The following ZNF385D variants were observed in gnomAD, a reference collection of about 807,000 sequenced individuals.
ZNF385D encodes zinc finger protein 659.
In ZNF385D, 15 loss-of-function variants were observed where a neutral mutation model predicts 35.8. The observed-to-expected ratio is 0.42, with a 90% CI of 0.28 to 0.64. ZNF385D has a LOEUF of 0.64. Ranked by LOEUF, ZNF385D falls within the 30% of genes least tolerant of loss-of-function variation. The probability of loss-of-function intolerance (pLI) is 0.23; values close to 1 mark genes in which losing one functional copy is unlikely to be tolerated. For synonymous variants in ZNF385D, 212 were observed against 186.8 expected, an observed-to-expected ratio of 1.13 and a Z score of -1.10; for missense variants, 474 against 494.6, an observed-to-expected ratio of 0.96 and a Z score of 0.39.
chr3:21,881,079 A>T (rs763174336), intron 3 of ZNF385D, among the ~76,000 whole-genome samples: 4 of 152,018 alleles, frequency 2.6e-5, no homozygotes, highest in Non-Finnish European at 5.9e-5. Flanking sequence ...TAAAAATACA[A>T]GGTGAAGCTG....
chr3:22,002,389 C>T (rs894187208), intron 3 of ZNF385D, among the ~76,000 whole-genome samples: 2 of 152,030 alleles, frequency 1.3e-5, no homozygotes, highest in African/African-American at 4.8e-5. Flanking sequence ...ACAACTGAAG[C>T]AGGAATGAAC....
intron 3 of ZNF385D, among the ~76,000 whole-genome samples, chr3:22,161,761 T>C (rs1293241650): frequency 6.6e-6 from 1 of 152,150 alleles, no homozygotes; most frequent in Non-Finnish European, 1.5e-5. Context: ...TTGATGAAAA[T>C]TTAAGGAAAA....
chr3:21,569,123 C>G (rs2063244115), intron 2 of ZNF385D, among the ~76,000 whole-genome samples: 1 of 152,058 alleles, frequency 6.6e-6, no homozygotes, highest in Non-Finnish European at 1.5e-5. Context: ...TCCTTGTTAA[C>G]TTTCTGTCTC....
At chr3:22,303,536 C>G (rs1488960491) in intron 2 of ZNF385D, among the ~76,000 whole-genome samples, 2 of 152,078 alleles carry the variant, frequency 1.3e-5, no homozygotes, top group Non-Finnish European at 2.9e-5. Context: ...TCTATGTATT[C>G]TAAATGATGT....
At chr3:22,276,298 C>G (rs1701423763) in intron 2 of ZNF385D, among the ~76,000 whole-genome samples, 1 of 152,092 alleles carries the variant, frequency 6.6e-6, no homozygotes, top group Admixed American at 6.6e-5. Flanking sequence ...TCCTGTAAGT[C>G]TGTCCTTTAA....
intron 3 of ZNF385D, among the ~76,000 whole-genome samples, chr3:22,146,116 A>C (rs1704836374): frequency 6.6e-6 from 1 of 152,198 alleles, no homozygotes; most frequent in Non-Finnish European, 1.5e-5. Context: ...CAAGTACTTC[A>C]GGAGTCATGC....
intron 2 of ZNF385D, among the ~76,000 whole-genome samples, chr3:22,177,723 T>TCTCTCCC (rs1348515388): frequency 6.6e-6 from 1 of 152,160 alleles, no homozygotes; most frequent in Non-Finnish European, 1.5e-5. Context: ...CCAAATGCTA[T>TCTCTCCC]CTCTCCCCTC....
chr3:21,691,202 T>C (rs989896499), intron 1 of ZNF385D, among the ~76,000 whole-genome samples: 1 of 152,152 alleles, frequency 6.6e-6, no homozygotes, highest in Non-Finnish European at 1.5e-5. Context: ...CAGCTGCCTG[T>C]TTCTCCAGGT....
intron 2 of ZNF385D, among the ~76,000 whole-genome samples, chr3:22,343,819 C>T (rs572790177): frequency 6.6e-6 from 1 of 152,036 alleles, no homozygotes; most frequent in East Asian, 1.9e-4. Flanking sequence ...ATTCAGTGCC[C>T]CTTGTACAGT....
rs140828235 is a variant in ZNF385D, at chr3:21,874,656, A to G, written c.326-209628T>C. Among the ~76,000 whole-genome samples the G allele has an allele frequency of 1.2e-3, 177 of 152,234 alleles. 1 individual carries two copies. The highest frequency in any genetic ancestry group is 4.1e-3 in the African/African-American group (172 of 41,570). ...GAAATGTAGCTTTGTAATATGTTTC[A>G]AAATCAGGAAATGTGAGGTCTCTAG... On this transcript the variant is annotated intron_variant, in intron 3 of 5. Coordinates refer to the ZNF385D transcript ENST00000494108.
intron 3 of ZNF385D, among the ~76,000 whole-genome samples, chr3:21,862,554 A>T (rs1575796847): frequency 6.6e-6 from 1 of 152,162 alleles, no homozygotes; most frequent in African/African-American, 2.4e-5. Context: ...AACTTGTGGC[A>T]CATTTGAATG....
Position 21,522,601 on chromosome 3 carries a change from G to A in ZNF385D, c.277-11578C>T, listed in dbSNP as rs576012853. 4.6e-5 allele frequency among the ~76,000 whole-genome samples: 7 copies of A among 152,218 alleles called. No individual in the cohort carries two copies. The East Asian group carries it at 1.4e-3, about 29-fold the overall frequency. The stretch of plus-strand genomic sequence containing the variant: ...GATCTGCCTGCCTCAGCCTCCCAAA[G>A]TGCTAGGATTACAGATGTGAGCCAC... On this transcript the variant is annotated intron_variant, in intron 3 of 7. Coordinates refer to ENST00000281523, the MANE Select transcript of ZNF385D (RefSeq NM_024697.3).
chr3:22,015,021 C>G (rs1432774983), intron 3 of ZNF385D, among the ~76,000 whole-genome samples: 1 of 152,108 alleles, frequency 6.6e-6, no homozygotes, highest in East Asian at 1.9e-4. Flanking sequence ...ATGTTCACAA[C>G]AAGCATATAT....
At chr3:22,050,268 G>A (rs141709739) in intron 3 of ZNF385D, among the ~76,000 whole-genome samples, 1 of 151,966 alleles carries the variant, frequency 6.6e-6, no homozygotes, top group East Asian at 1.9e-4. Flanking sequence ...AGGCTGGGGT[G>A]GGAAGACTGC....
intron 3 of ZNF385D, among the ~76,000 whole-genome samples, chr3:22,123,926 C>T (rs376603030): frequency 9.0e-3 from 454 of 50,694 alleles, no homozygotes; most frequent in Non-Finnish European, 0.014. Context: ...GACTCCATCT[C>T]TCTCTCTCTC....
intron 1 of ZNF385D, among the ~76,000 whole-genome samples, chr3:21,685,253 A>C (rs2067067593): frequency 1.3e-5 from 2 of 152,202 alleles, no homozygotes; most frequent in South Asian, 4.1e-4. Flanking sequence ...ATGCAAGAGG[A>C]GTGTCTCTGA....
At chr3:22,094,294 CT>C (rs1196652615) in intron 3 of ZNF385D, among the ~76,000 whole-genome samples, 1 of 141,256 alleles carries the variant, frequency 7.1e-6, no homozygotes, top group East Asian at 2.1e-4. Flanking sequence ...TGAATGCACA[CT>C]TGGCTAGGTA....
At chr3:21,961,668 A>G (rs1282212677) in intron 3 of ZNF385D, 2 of 152,086 alleles carry the variant, frequency 1.3e-5, no homozygotes, top group East Asian at 1.9e-4. Flanking sequence ...TTGTTGAAAA[A>G]CTGATTACCT....
At chr3:21,496,699 T>C (rs921207485) in intron 4 of ZNF385D, among the ~76,000 whole-genome samples, 88 of 151,598 alleles carry the variant, frequency 5.8e-4, no homozygotes, top group African/African-American at 2.1e-3. Flanking sequence ...AAAGCGAATC[T>C]ACCATAATCA....
Sources: allele counts gnomAD v4.1 joint callset (sites outside exome capture counted in the v4.1 genomes callset), GRCh38; gene constraint gnomAD v4.1.1; transcripts MANE v1.5; gene names NCBI Gene and HGNC (gene_info 2026-07-23, HGNC 2026-07-21).